Variants in ERI1 observed in about 807,000 individuals in gnomAD.
ERI1 encodes 3'-5' exoribonuclease 1.
ERI1 carries 39 observed loss-of-function variants against 39.7 expected under a neutral mutation model. The ratio of observed to expected loss-of-function variants is 0.98; its 90% CI spans 0.76 to 1.28. ERI1 has a LOEUF of 1.28. Ranked by LOEUF, ERI1 falls within the 50% of genes most tolerant of loss-of-function variation. The probability of loss-of-function intolerance (pLI) is 0.00; values close to 1 mark genes in which losing one functional copy is unlikely to be tolerated. For synonymous variants in ERI1, 204 were observed against 149.6 expected (o/e 1.36, Z -2.65); for missense variants, 581 against 416.9 (o/e 1.39, Z -3.43).
At chr8:9,019,471 AGT>A (rs958403053) in intron 5 of ERI1, among the ~76,000 whole-genome samples, 4 of 152,226 alleles carry the variant, frequency 2.6e-5, no homozygotes, top group African/African-American at 9.6e-5. Context: ...TTTCTGCTGT[AGT>A]ATAGTATACG....
At chr8:9,086,586 C>G (rs1799534596) in intron 3 of ERI1, among the ~76,000 whole-genome samples, 1 of 152,068 alleles carries the variant, frequency 6.6e-6, no homozygotes, top group African/African-American at 2.4e-5. Context: ...CTGTTTGACC[C>G]ATAGTTTGAC....
chr8:9,061,525 C>T (rs1246686675), intron 3 of ERI1, among the ~76,000 whole-genome samples: 3 of 152,214 alleles, frequency 2.0e-5, no homozygotes, highest in African/African-American at 7.2e-5. Context: ...GTGGCGGCCG[C>T]TGCACGCAGA....
chr8:9,064,192 GC>G (rs1798793926), intron 3 of ERI1, among the ~76,000 whole-genome samples: 1 of 150,258 alleles, frequency 6.7e-6, no homozygotes, highest in Non-Finnish European at 1.5e-5. Flanking sequence ...GGGGGTTCTT[GC>G]CCCCTAGAGA....
At chr8:9,051,086 C>A (rs17702602) in intron 3 of ERI1, among the ~76,000 whole-genome samples, 1 of 151,430 alleles carries the variant, frequency 6.6e-6, no homozygotes, top group African/African-American at 2.4e-5. Context: ...AAAGTAGGTA[C>A]GATAGATATT....
At chr8:9,020,112 G>C (rs1426434206) in intron 5 of ERI1, among the ~76,000 whole-genome samples, 1 of 152,154 alleles carries the variant, frequency 6.6e-6, no homozygotes, top group Non-Finnish European at 1.5e-5. Flanking sequence ...AAACAATCAA[G>C]ATGAGCCTAA....
chr8:9,004,585 A>T (rs1443516645), intron 1 of ERI1, among the ~76,000 whole-genome samples: 1 of 144,870 alleles, frequency 6.9e-6, no homozygotes. Flanking sequence ...GGATCACCTG[A>T]GCCCATGGGT....
chr8:9,048,759 C>G (rs1244444365), intron 3 of ERI1, among the ~76,000 whole-genome samples: 1 of 152,158 alleles, frequency 6.6e-6, no homozygotes, highest in African/African-American at 2.4e-5. Context: ...ATCCTCCCAC[C>G]TCAGCTTCCT....
intron 3 of ERI1, among the ~76,000 whole-genome samples, chr8:9,052,142 C>G (rs1444553135): frequency 6.6e-6 from 1 of 152,174 alleles, no homozygotes; most frequent in Non-Finnish European, 1.5e-5. Context: ...TGTGTTAGCT[C>G]TTATTACACG....
chr8:9,043,353 A>G (rs1165228303), intron 3 of ERI1, among the ~76,000 whole-genome samples: 1 of 152,210 alleles, frequency 6.6e-6, no homozygotes, highest in African/African-American at 2.4e-5. Flanking sequence ...TTGTGACTCA[A>G]TTATGAATAA....
chr8:9,065,477 C>G (rs962681519), intron 3 of ERI1, among the ~76,000 whole-genome samples: 1 of 152,018 alleles, frequency 6.6e-6, no homozygotes, highest in East Asian at 1.9e-4. Context: ...AGGCAGATCA[C>G]GAGGTCAGGA....
intron 3 of ERI1, among the ~76,000 whole-genome samples, chr8:9,055,824 G>A (rs1467198207): frequency 1.3e-5 from 2 of 152,194 alleles, no homozygotes; most frequent in Non-Finnish European, 2.9e-5. Flanking sequence ...ACAGGCATGA[G>A]CCACTGTGCC....
chr8:9,079,661 G>C lies in ERI1; in HGVS notation n.300-36687G>C, dbSNP rs145555080. ...GTAGCCTTGGATATGAATTCCATTC[G>C]ATCTTTGTTACGAGCAGGTTTGTTT... is the stretch of plus-strand genomic sequence containing the variant. On this transcript the variant is annotated intron_variant and non_coding_transcript_variant, in intron 3 of 3. Transcript: ENST00000518663. 2.1e-3 allele frequency among the ~76,000 whole-genome samples: 313 copies of C among 152,188 alleles called. 8 individuals carry two copies. In the East Asian group the frequency reaches 0.052, roughly 25 times the overall value.
At chr8:9,025,747 G>T (rs1818409618) in intron 6 of ERI1, among the ~76,000 whole-genome samples, 1 of 151,296 alleles carries the variant, frequency 6.6e-6, no homozygotes, top group African/African-American at 2.4e-5. Flanking sequence ...ACATAATACA[G>T]GTTGAGTATC....
At chr8:9,038,575 G>T (rs970646201) in intron 3 of ERI1, among the ~76,000 whole-genome samples, 6 of 151,824 alleles carry the variant, frequency 4.0e-5, no homozygotes, top group African/African-American at 1.5e-4. Context: ...TGGGCAACAT[G>T]GTGAAACCCT....
At chr8:9,060,274 C>T (rs966869964) in intron 3 of ERI1, among the ~76,000 whole-genome samples, 11 of 152,126 alleles carry the variant, frequency 7.2e-5, no homozygotes, top group South Asian at 6.2e-4. Flanking sequence ...AAGAAATGAC[C>T]GCGGTGGCCT....
At chr8:9,004,029 C>A in intron 1 of ERI1, 1 of 1,261,170 alleles carries the variant, frequency 7.9e-7, no homozygotes, top group South Asian at 1.2e-5. Flanking sequence ...TGCCTGCCTC[C>A]CTTGGTAATT....
At chr8:9,077,470 A>C (rs949581730) in intron 3 of ERI1, among the ~76,000 whole-genome samples, 5 of 151,764 alleles carry the variant, frequency 3.3e-5, no homozygotes, top group African/African-American at 1.2e-4. Context: ...ACTGTGACTC[A>C]GAGGAGGACC....
chr8:9,038,678 G>A (rs570349635), intron 3 of ERI1, among the ~76,000 whole-genome samples: 4 of 152,266 alleles, frequency 2.6e-5, no homozygotes, highest in East Asian at 3.9e-4. Context: ...GATTGCTTGA[G>A]CCCAGCAGGT....
chr8:9,081,863 T>G (rs2979245), intron 3 of ERI1, among the ~76,000 whole-genome samples: 4 of 152,058 alleles, frequency 2.6e-5, no homozygotes, highest in African/African-American at 7.2e-5. Context: ...TTATGAAAAA[T>G]AAGCAATTTA....
Sources: allele counts gnomAD v4.1 joint callset (sites outside exome capture counted in the v4.1 genomes callset), GRCh38; gene constraint gnomAD v4.1.1; transcripts MANE v1.5; gene names NCBI Gene and HGNC (gene_info 2026-07-23, HGNC 2026-07-21).